The following FA2H variants were observed in gnomAD, a reference collection of about 807,000 sequenced individuals.
The protein encoded by FA2H is fatty acid 2-hydroxylase.
A neutral mutation model predicts 44.9 loss-of-function variants in FA2H; 22 were observed. The observed-to-expected ratio is 0.49, with a 90% CI of 0.35 to 0.70. The LOEUF is 0.70. FA2H is among the 30% of genes least tolerant of loss of function. FA2H has a pLI of 0.01. For missense variants in FA2H, 501 were observed against 504.9 expected (o/e 0.99, Z 0.07); for synonymous variants, 243 against 213.2 (o/e 1.14, Z -1.22).
chr16:74,721,106 A>G (rs1398029982), intron 4 of FA2H, among the ~76,000 whole-genome samples: 1 of 152,092 alleles, frequency 6.6e-6, no homozygotes, highest in African/African-American at 2.4e-5. Context: ...GGTTCATATC[A>G]TAACTCTATG....
chr16:74,748,029 C>T (rs926921650), intron 1 of FA2H, among the ~76,000 whole-genome samples: 3 of 152,198 alleles, frequency 2.0e-5, no homozygotes, highest in Admixed American at 1.3e-4. Flanking sequence ...AAACCAGGCT[C>T]TTTCAGTCAG....
chr16:74,765,630 C>T (rs549869654), intron 1 of FA2H, among the ~76,000 whole-genome samples: 101 of 152,232 alleles, frequency 6.6e-4, no homozygotes, highest in African/African-American at 2.3e-3. Flanking sequence ...ACAAATGGTG[C>T]AGTCACGGCT....
At chr16:74,757,401 A>G (rs1233076755) in intron 1 of FA2H, among the ~76,000 whole-genome samples, 1 of 152,182 alleles carries the variant, frequency 6.6e-6, no homozygotes, top group African/African-American at 2.4e-5. Context: ...GGGAGTTAAA[A>G]TTGGTACAAC....
chr16:74,716,272 C>T (rs1382454013), intron 6 of FA2H, 75 bp downstream of exon 6: 3 of 1,559,138 alleles, frequency 1.9e-6, no homozygotes, highest in African/African-American at 1.4e-5. Flanking sequence ...TTGCCGTTCC[C>T]AGGAGCTCGA....
At chr16:74,738,017 C>T (rs1962215550) in intron 2 of FA2H, among the ~76,000 whole-genome samples, 1 of 152,188 alleles carries the variant, frequency 6.6e-6, no homozygotes, top group South Asian at 2.1e-4. Context: ...AAGAAAAAAG[C>T]AGAAAAGCAC....
intron 1 of FA2H, among the ~76,000 whole-genome samples, chr16:74,742,979 G>A (rs1962343918): frequency 6.6e-6 from 1 of 152,030 alleles, no homozygotes; most frequent in Non-Finnish European, 1.5e-5. Context: ...ACTTTATACT[G>A]ACATTTACCA....
intron 1 of FA2H, among the ~76,000 whole-genome samples, chr16:74,771,626 G>A (rs572519174): frequency 2.2e-4 from 34 of 151,780 alleles, no homozygotes; most frequent in African/African-American, 7.7e-4. Flanking sequence ...ATGAGCCACC[G>A]TGCCTGGCCT....
At position 74,719,108 on chromosome 16, in the gene FA2H, C is replaced by A; in HGVS notation, c.666G>T (p.Gly222=). ...KSMFPGLFML[G]TFLWSLIEYL... is the part of the protein sequence containing the mutation. Reference sequence around the variant, plus strand: ...ACTCGATGAGGCTCCAGAGGAATGTCCCCAGCATGAAGAGCCCGGGGAACA... The same window carrying A: ...ACTCGATGAGGCTCCAGAGGAATGTACCCAGCATGAAGAGCCCGGGGAACA... The change falls in exon 5 of 7, where the codon GGG becomes GGT. Residue 222 remains glycine (G), a synonymous_variant. Coordinates refer to ENST00000219368, the MANE Select transcript of FA2H (RefSeq NM_024306.5). 1 of 1,613,906 alleles carries A rather than the reference C, an allele frequency of 6.2e-7. No individual in the cohort carries two copies.
intron 1 of FA2H, among the ~76,000 whole-genome samples, chr16:74,742,946 C>A (rs1465052786): frequency 1.3e-5 from 2 of 152,124 alleles, no homozygotes; most frequent in Non-Finnish European, 2.9e-5. Context: ...AAAGGCAGTT[C>A]TTTCCAAGGA....
chr16:74,735,069 G>T (rs1962154714), intron 2 of FA2H, among the ~76,000 whole-genome samples: 1 of 152,234 alleles, frequency 6.6e-6, no homozygotes, highest in African/African-American at 2.4e-5. Flanking sequence ...AATTCTGGGA[G>T]TTGGGGCCGA....
At chr16:74,759,988 A>G (rs893256140) in intron 1 of FA2H, among the ~76,000 whole-genome samples, 1 of 152,234 alleles carries the variant, frequency 6.6e-6, no homozygotes, top group South Asian at 2.1e-4. Flanking sequence ...ATGCAAGGAC[A>G]AAGGGACAAG....
In FA2H at chr16:74,715,818, T is replaced by C. The variant is rs113456953; in HGVS notation, c.1039+529A>G. Among the ~76,000 whole-genome samples, 514 of 140,616 alleles carry C rather than the reference T, an allele frequency of 3.7e-3. 3 individuals carry two copies. The highest frequency in any genetic ancestry group is 0.012 in the East Asian group (55 of 4,726). The allele number at this position is 140,616 out of a possible 152,430, so 92.2% of individuals were successfully genotyped here. A position where few individuals can be genotyped will look rare whatever the true frequency, so the allele number is the denominator to read the frequency against. On this transcript the variant is annotated intron_variant, in intron 6 of 6. Coordinates refer to ENST00000219368, the MANE Select transcript of FA2H (RefSeq NM_024306.5). ...GCTTTACTTTCTTCTTCTTCTTCTT[T>C]TTTTTTTTTTTTTTATAGACAGAGC... is the stretch of plus-strand genomic sequence containing the variant.
intron 2 of FA2H, among the ~76,000 whole-genome samples, chr16:74,735,933 C>T (rs1302204690): frequency 2.0e-5 from 3 of 152,194 alleles, no homozygotes; most frequent in East Asian, 3.9e-4. Flanking sequence ...CAGTGAGCTG[C>T]AATCTTGCCA....
chr16:74,758,353 C>G (rs1435535529), intron 1 of FA2H, among the ~76,000 whole-genome samples: 1 of 151,914 alleles, frequency 6.6e-6, no homozygotes, highest in Non-Finnish European at 1.5e-5. Context: ...AACTCCTGAC[C>G]TCGTGATCCG....
intron 4 of FA2H, chr16:74,725,904 A>T: frequency 1.6e-5 from 6 of 379,272 alleles, no homozygotes; most frequent in South Asian, 1.3e-4. Flanking sequence ...CTTAGCAAAG[A>T]ATCCCACATC....
chr16:74,739,913 C>T, intron 2 of FA2H, 110 bp downstream of exon 2: 7 of 858,230 alleles, frequency 8.2e-6, no homozygotes, highest in South Asian at 8.0e-5. Context: ...TTCCCCTTCT[C>T]CCCTGGGCAC....
intron 1 of FA2H, among the ~76,000 whole-genome samples, chr16:74,769,875 C>A (rs184228640): frequency 6.6e-6 from 1 of 152,362 alleles, no homozygotes. Context: ...AGGTGGGCAG[C>A]TTGGCTTCAC....
chr16:74,754,125 G>T (rs1385532647), intron 1 of FA2H, among the ~76,000 whole-genome samples: 1 of 152,256 alleles, frequency 6.6e-6, no homozygotes, highest in East Asian at 1.9e-4. Flanking sequence ...GCCAGGCACA[G>T]TGGCTCACGC....
At chr16:74,747,928 A>T (rs1000660539) in intron 1 of FA2H, among the ~76,000 whole-genome samples, 1 of 152,138 alleles carries the variant, frequency 6.6e-6, no homozygotes, top group Non-Finnish European at 1.5e-5. Context: ...AGGAGAGGGA[A>T]TCCAACCAGA....
Sources: gnomAD v4.1 joint callset for allele counts (sites outside exome capture counted in the v4.1 genomes callset) on GRCh38, gnomAD v4.1.1 for gene constraint, MANE v1.5 for transcripts, NCBI Gene and HGNC (gene_info 2026-07-23, HGNC 2026-07-21) for gene names.